The following CACNA2D3 variants were observed in gnomAD, a reference collection of about 807,000 sequenced individuals.
The protein encoded by CACNA2D3 is voltage-dependent calcium channel subunit alpha-2/delta-3.
A neutral mutation model predicts 160.6 loss-of-function variants in CACNA2D3; 60 were observed. The ratio of observed to expected loss-of-function variants is 0.37; its 90% CI spans 0.30 to 0.46. The LOEUF (loss-of-function observed/expected upper bound fraction) is 0.46, where lower values mean the gene tolerates loss of function less well. CACNA2D3 is among the 20% of genes least tolerant of loss of function. CACNA2D3 has a pLI of 1.00. For synonymous variants in CACNA2D3, 558 were observed against 492.9 expected (o/e 1.13, Z -1.75); for missense variants, 1,205 against 1,365.0 (o/e 0.88, Z 1.85).
At position 54,232,393 on chromosome 3, in the gene CACNA2D3, A is replaced by T. The variant is rs113834207; in HGVS notation, c.205-88049A>T. ...TGTAAGAGTGTGAGTGTCAGTTGTC[A>T]CTGCTCTCATGTCAATACCACTTAT... is the stretch of plus-strand genomic sequence containing the variant. On this transcript the variant is annotated intron_variant, in intron 2 of 37. Transcript: ENST00000474759. Among the ~76,000 whole-genome samples the T allele has an allele frequency of 9.7e-3, 1,476 of 152,280 alleles. 20 individuals carry two copies. Among genetic ancestry groups the T allele is most frequent in the African/African-American group, 0.034 (1,417 of 41,544 alleles).
intron 2 of CACNA2D3, among the ~76,000 whole-genome samples, chr3:54,211,128 G>A (rs1202208100): frequency 6.6e-6 from 1 of 152,050 alleles, no homozygotes; most frequent in Admixed American, 6.6e-5. Flanking sequence ...GTGGATATAT[G>A]TGTATACAAA....
At position 54,122,785 on chromosome 3, in the gene CACNA2D3, C is replaced by A; in HGVS notation, c.72C>A (p.Tyr24Ter). ...ASALLAAALL[Y>*]AALGDVVRSE... The stretch of plus-strand genomic sequence containing the variant: ...CGCTTCTCGCTGCCGCGCTTCTCTA[C>A]GCCGCGCTGGGGGACGTGGTGCGCT... The change falls in exon 1 of 38, where the codon TAC becomes TAA. Residue 24 changes from tyrosine (Y) to a stop codon, truncating the protein, a stop_gained. Coordinates refer to ENST00000474759, the MANE Select transcript of CACNA2D3 (RefSeq NM_018398.3). LOFTEE classifies it high-confidence loss of function. 1 of 1,230,626 alleles carries A rather than the reference C, an allele frequency of 8.1e-7. No homozygotes were observed. The highest frequency in any genetic ancestry group is 1.0e-6 in the Non-Finnish European group (1 of 982,390). 76.2% of individuals were successfully genotyped at this position (1,230,626 alleles called of 1,614,324 possible).
At chr3:54,185,279 CT>C (rs891081524) in intron 2 of CACNA2D3, among the ~76,000 whole-genome samples, 19 of 151,548 alleles carry the variant, frequency 1.3e-4, no homozygotes, top group Admixed American at 4.6e-4. Context: ...CAGAATTGAA[CT>C]TTTTTTTTCT....
chr3:54,954,297 C>T (rs567156059), intron 27 of CACNA2D3, among the ~76,000 whole-genome samples: 3 of 152,180 alleles, frequency 2.0e-5, no homozygotes, highest in African/African-American at 7.2e-5. Flanking sequence ...TGCGGGAGCA[C>T]GAACACTTCC....
At chr3:54,631,856 C>T (rs776446940) in intron 10 of CACNA2D3, among the ~76,000 whole-genome samples, 1 of 152,142 alleles carries the variant, frequency 6.6e-6, no homozygotes, top group South Asian at 2.1e-4. Flanking sequence ...TCATTTTTGG[C>T]GATGAATGTG....
chr3:54,853,117 C>G (rs1338860098), intron 17 of CACNA2D3, among the ~76,000 whole-genome samples: 1 of 152,086 alleles, frequency 6.6e-6, no homozygotes, highest in Non-Finnish European at 1.5e-5. Context: ...TTTTCTCATC[C>G]TCCACTTCTT....
At chr3:55,030,668 C>G (rs573610458) in intron 35 of CACNA2D3, among the ~76,000 whole-genome samples, 5 of 152,168 alleles carry the variant, frequency 3.3e-5, no homozygotes, top group Non-Finnish European at 2.9e-5. Flanking sequence ...CCCTCTGAAT[C>G]TCAGTTCAAT....
intron 9 of CACNA2D3, among the ~76,000 whole-genome samples, chr3:54,593,400 G>A (rs1194047563): frequency 1.3e-5 from 2 of 151,888 alleles, no homozygotes; most frequent in Non-Finnish European, 2.9e-5. Flanking sequence ...AAGGAGAGGG[G>A]AGGACAGTGG....
Position 54,554,901 on chromosome 3 carries a change from G to T in CACNA2D3, c.545-7899G>T, listed in dbSNP as rs149509371. Among the ~76,000 whole-genome samples the T allele has an allele frequency of 5.7e-4, 63 of 109,936 alleles. No individual in the cohort carries two copies. In the East Asian group the frequency reaches 0.014, roughly 24 times the overall value. 72.1% of individuals were successfully genotyped at this position (109,936 alleles called of 152,430 possible). On this transcript the variant is annotated intron_variant, in intron 5 of 37. Coordinates refer to ENST00000474759, the MANE Select transcript of CACNA2D3 (RefSeq NM_018398.3). ...TTTTTTTTTTTTTTTTGGAGACAAGGTCTCACTCTGTCACCCAGTCTGGAG... is the reference window on the plus strand; with the variant it reads ...TTTTTTTTTTTTTTTTGGAGACAAGTTCTCACTCTGTCACCCAGTCTGGAG...
intron 11 of CACNA2D3, among the ~76,000 whole-genome samples, chr3:54,725,008 A>G (rs1237782034): frequency 6.6e-6 from 1 of 152,102 alleles, no homozygotes. Context: ...AAGAAAATAG[A>G]TAGACTCCTA....
chr3:54,717,852 G>C (rs1001342194), intron 11 of CACNA2D3, among the ~76,000 whole-genome samples: 25 of 145,320 alleles, frequency 1.7e-4, no homozygotes, highest in East Asian at 1.0e-3. Flanking sequence ...TGTGTGTGTG[G>C]TGTATGTGCG....
intron 14 of CACNA2D3, among the ~76,000 whole-genome samples, chr3:54,821,438 C>T (rs1340025993): frequency 2.6e-5 from 4 of 152,172 alleles, no homozygotes; most frequent in Non-Finnish European, 4.4e-5. Context: ...TGCTGCTTAA[C>T]TTGTATGAGG....
chr3:54,407,325 A>C (rs1050490097), intron 4 of CACNA2D3, among the ~76,000 whole-genome samples: 1 of 152,218 alleles, frequency 6.6e-6, no homozygotes, highest in African/African-American at 2.4e-5. Flanking sequence ...AAATGAAAAG[A>C]GATGGAACTT....
intron 3 of CACNA2D3, among the ~76,000 whole-genome samples, chr3:54,359,834 A>G (rs1559460267): frequency 6.6e-6 from 1 of 152,190 alleles, no homozygotes; most frequent in Non-Finnish European, 1.5e-5. Context: ...GGACTAGTGA[A>G]TTTCCCTGAA....
chr3:54,401,475 CAA>C (rs754850069), intron 4 of CACNA2D3, among the ~76,000 whole-genome samples: 2 of 152,004 alleles, frequency 1.3e-5, no homozygotes, highest in Non-Finnish European at 2.9e-5. Context: ...AAGTCAATGA[CAA>C]AGAGATAATT....
At chr3:54,188,059 C>G (rs1700908064) in intron 2 of CACNA2D3, among the ~76,000 whole-genome samples, 1 of 152,282 alleles carries the variant, frequency 6.6e-6, no homozygotes, top group South Asian at 2.1e-4. Flanking sequence ...ATCAGGGGAT[C>G]AACATGGGTA....
intron 4 of CACNA2D3, among the ~76,000 whole-genome samples, chr3:54,409,997 T>C (rs1180083388): frequency 6.6e-6 from 1 of 152,210 alleles, no homozygotes; most frequent in Non-Finnish European, 1.5e-5. Context: ...AGAAAACATA[T>C]AAGGCTGATG....
intron 4 of CACNA2D3, among the ~76,000 whole-genome samples, chr3:54,460,682 C>A (rs1260140128): frequency 6.6e-6 from 1 of 152,116 alleles, no homozygotes; most frequent in Non-Finnish European, 1.5e-5. Context: ...TGGGCTGAGG[C>A]AATGGGGTTT....
chr3:54,258,670 G>T (rs981839260), intron 2 of CACNA2D3, among the ~76,000 whole-genome samples: 8 of 152,232 alleles, frequency 5.3e-5, no homozygotes, highest in African/African-American at 1.9e-4. Flanking sequence ...TTCAGTGCAG[G>T]AAAAAGATCC....
Sources: gnomAD v4.1 joint callset for allele counts (sites outside exome capture counted in the v4.1 genomes callset) on GRCh38, gnomAD v4.1.1 for gene constraint, MANE v1.5 for transcripts, NCBI Gene and HGNC (gene_info 2026-07-23, HGNC 2026-07-21) for gene names.